KHDRBS2: variants seen among roughly 807,000 people sequenced by gnomAD.
The protein encoded by KHDRBS2 is KH domain-containing, RNA-binding, signal transduction-associated protein 2.
KHDRBS2 carries 26 observed loss-of-function variants against 44.3 expected under a neutral mutation model. The observed-to-expected ratio is 0.59, with a 90% confidence interval of 0.43 to 0.81. The LOEUF (loss-of-function observed/expected upper bound fraction) is 0.81. Ranked by LOEUF, KHDRBS2 falls within the 40% of genes least tolerant of loss-of-function variation. The pLI is 0.00. For synonymous variants in KHDRBS2, 194 were observed against 151.1 expected, an observed-to-expected ratio of 1.28 and a Z score of -2.08; for missense variants, 476 against 433.1, an observed-to-expected ratio of 1.10 and a Z score of -0.88.
intron 4 of KHDRBS2, among the ~76,000 whole-genome samples, chr6:61,969,882 CA>C (rs201668724): frequency 9.4e-5 from 14 of 148,502 alleles, no homozygotes; most frequent in East Asian, 2.0e-4. Flanking sequence ...AGGTGTGTTT[CA>C]AAAAAAAACA....
chr6:62,088,670 G>GACTGTCC (rs1401739586), intron 2 of KHDRBS2, among the ~76,000 whole-genome samples: 6 of 152,180 alleles, frequency 3.9e-5, no homozygotes, highest in African/African-American at 1.4e-4. Flanking sequence ...CAGTTAGGAG[G>GACTGTCC]CATGGGGGAC....
At chr6:62,265,882 A>G (rs762194296) in intron 1 of KHDRBS2, among the ~76,000 whole-genome samples, 13 of 152,050 alleles carry the variant, frequency 8.5e-5, no homozygotes, top group Non-Finnish European at 1.6e-4. Flanking sequence ...AGCTTTTTCT[A>G]AAAGCACCTT....
chr6:62,210,132 T>C lies in KHDRBS2; in HGVS notation c.92-32820A>G, dbSNP rs148579110. ...TAAGAAAAATTGAAAATATCTGTGC[T>C]TTTGTTAATCTGCTAAAAAAGTATA... On this transcript the variant is annotated intron_variant, in intron 1 of 8. Transcript: ENST00000281156. Among the ~76,000 whole-genome samples, 1,023 of 152,266 alleles carry C rather than the reference T, an allele frequency of 6.7e-3. 6 individuals are homozygous for C. The highest frequency in any genetic ancestry group is 0.014 in the Middle Eastern group (4 of 294).
In KHDRBS2 at chr6:61,892,610, T is replaced by C. The variant is rs541070545; in HGVS notation, c.810+2025A>G. Among the ~76,000 whole-genome samples, 7 of 152,210 alleles carry C rather than the reference T, an allele frequency of 4.6e-5. 1 individual carries two copies. In the South Asian group the frequency reaches 1.0e-3, roughly 23 times the overall value. On this transcript the variant is annotated intron_variant, in intron 6 of 8. Transcript: ENST00000281156. ...AGAAATAATGCCACATATCTACAAC[T>C]ATCTGATCTTTGACAAACCTGAGAA...
intron 3 of KHDRBS2, among the ~76,000 whole-genome samples, chr6:62,008,778 T>C (rs1277943703): frequency 6.6e-6 from 1 of 152,200 alleles, no homozygotes; most frequent in African/African-American, 2.4e-5. Context: ...TCTGCACAAG[T>C]TCTCTCTTTG....
intron 1 of KHDRBS2, among the ~76,000 whole-genome samples, chr6:62,179,226 C>T (rs1433976846): frequency 1.3e-5 from 2 of 151,588 alleles, no homozygotes; most frequent in African/African-American, 2.4e-5. Flanking sequence ...ATAATTTTTA[C>T]GAAGTCATTT....
At position 62,069,588 on chromosome 6, in the gene KHDRBS2, G is replaced by C. The variant is rs542578573; in HGVS notation, c.220-21594C>G. On this transcript the variant is annotated intron_variant, in intron 2 of 8. Coordinates refer to ENST00000281156, the MANE Select transcript of KHDRBS2 (RefSeq NM_152688.4). ...ATTTAACAAAATGAAAAATACACCA[G>C]AACTGTGAGAGATCACTTTCCACTG... Among the ~76,000 whole-genome samples, 8 of 151,840 alleles carry C rather than the reference G, an allele frequency of 5.3e-5. No homozygotes were observed. In the East Asian group the frequency reaches 1.6e-3, roughly 30 times the overall value.
intron 6 of KHDRBS2, among the ~76,000 whole-genome samples, chr6:61,799,706 G>A (rs950831751): frequency 1.3e-5 from 2 of 151,946 alleles, no homozygotes; most frequent in Non-Finnish European, 2.9e-5. Flanking sequence ...GGGTTAGAAT[G>A]TATTGAGATA....
chr6:62,160,609 T>C (rs1291009726), intron 2 of KHDRBS2, among the ~76,000 whole-genome samples: 1 of 152,096 alleles, frequency 6.6e-6, no homozygotes, highest in Non-Finnish European at 1.5e-5. Flanking sequence ...TGTTTAAAGA[T>C]GACCACGGCT....
At chr6:61,761,493 T>A (rs574785443) in intron 6 of KHDRBS2, among the ~76,000 whole-genome samples, 1 of 152,324 alleles carries the variant, frequency 6.6e-6, no homozygotes, top group South Asian at 2.1e-4. Flanking sequence ...AACTAATATG[T>A]TCCTGAATAT....
chr6:62,248,515 C>T (rs1221430187), intron 1 of KHDRBS2, among the ~76,000 whole-genome samples: 2 of 151,874 alleles, frequency 1.3e-5, no homozygotes, highest in African/African-American at 4.8e-5. Flanking sequence ...CGCACCACCA[C>T]GTCCAGCTAA....
chr6:61,627,035 C>T, the KHDRBS2 span, among the ~76,000 whole-genome samples: 1 of 151,772 alleles, frequency 6.6e-6, no homozygotes, highest in African/African-American at 2.4e-5. Context: ...GGGAGGATCA[C>T]GAGGTCAGGA....
chr6:61,888,722 C>T (rs1189492503), intron 6 of KHDRBS2, among the ~76,000 whole-genome samples: 1 of 151,970 alleles, frequency 6.6e-6, no homozygotes, highest in African/African-American at 2.4e-5. Flanking sequence ...CCACCATGCC[C>T]AGCTAACTTT....
At chr6:61,927,515 AG>A (rs933261682) in intron 4 of KHDRBS2, among the ~76,000 whole-genome samples, 7 of 152,158 alleles carry the variant, frequency 4.6e-5, no homozygotes, top group African/African-American at 1.7e-4. Flanking sequence ...GTAGTCTCCA[AG>A]TCAACTATCT....
At chr6:61,998,025 T>C (rs1381343366) in intron 3 of KHDRBS2, among the ~76,000 whole-genome samples, 2 of 152,198 alleles carry the variant, frequency 1.3e-5, no homozygotes, top group African/African-American at 2.4e-5. Context: ...GATACAGCAA[T>C]TGTAATTAAT....
chr6:61,683,758 A>G (rs1375678258), intron 8 of KHDRBS2, among the ~76,000 whole-genome samples: 1 of 151,842 alleles, frequency 6.6e-6, no homozygotes, highest in Non-Finnish European at 1.5e-5. Context: ...TGGCACAAAT[A>G]TGTGCTCTTT....
At chr6:61,925,712 G>T (rs1562453620) in intron 4 of KHDRBS2, among the ~76,000 whole-genome samples, 1 of 146,284 alleles carries the variant, frequency 6.8e-6, no homozygotes, top group Non-Finnish European at 1.5e-5. Context: ...ACAGAGTAAG[G>T]CTCTCTCTCT....
chr6:62,243,584 C>T (rs1228796929), intron 1 of KHDRBS2, among the ~76,000 whole-genome samples: 1 of 140,580 alleles, frequency 7.1e-6, no homozygotes, highest in Non-Finnish European at 1.5e-5. Flanking sequence ...TAGACTCAAA[C>T]ATAATACATC....
intron 1 of KHDRBS2, among the ~76,000 whole-genome samples, chr6:62,266,808 T>A (rs1839276852): frequency 6.6e-6 from 1 of 152,004 alleles, no homozygotes; most frequent in South Asian, 2.1e-4. Flanking sequence ...CTTATTTTTA[T>A]CTCCGAGGAT....
Sources: gnomAD v4.1 joint callset for allele counts (sites outside exome capture counted in the v4.1 genomes callset) on GRCh38, gnomAD v4.1.1 for gene constraint, MANE v1.5 for transcripts, NCBI Gene and HGNC (gene_info 2026-07-23, HGNC 2026-07-21) for gene names.